ARHGAP15: variants seen among roughly 807,000 people sequenced by gnomAD.
ARHGAP15 encodes the protein rho GTPase-activating protein 15.
In ARHGAP15, 51 loss-of-function variants were observed where a neutral mutation model predicts 63.7. The observed-to-expected ratio is 0.80, with a 90% CI of 0.64 to 1.01. The LOEUF is 1.01. Among genes scored for constraint, ARHGAP15 ranks in the 50% least tolerant of loss-of-function variants. The probability of loss-of-function intolerance (pLI) is 0.00; values close to 1 mark genes in which losing one functional copy is unlikely to be tolerated. For missense variants in ARHGAP15, 560 were observed against 564.6 expected (o/e 0.99, Z 0.08); for synonymous variants, 191 against 193.8 (o/e 0.99, Z 0.12).
intron 12 of ARHGAP15, among the ~76,000 whole-genome samples, chr2:143,687,685 T>G (rs945829372): frequency 6.6e-6 from 1 of 152,220 alleles, no homozygotes; most frequent in Non-Finnish European, 1.5e-5. Flanking sequence ...TGATTTGATC[T>G]GTGCAAATAG....
At chr2:143,538,307 C>G (rs1460809594) in intron 10 of ARHGAP15, among the ~76,000 whole-genome samples, 1 of 152,182 alleles carries the variant, frequency 6.6e-6, no homozygotes, top group Non-Finnish European at 1.5e-5. Flanking sequence ...TCTAGATATA[C>G]AATCATGTCA....
Position 143,542,342 on chromosome 2 carries a change from C to T in ARHGAP15, c.926-14066C>T, listed in dbSNP as rs536294914. Among the ~76,000 whole-genome samples, 186 of 151,960 alleles carry T rather than the reference C, an allele frequency of 1.2e-3. 2 individuals carry two copies. Among genetic ancestry groups the T allele is most frequent in the African/African-American group, 4.1e-3 (172 of 41,528 alleles). ...GCACTTCCCGGGTGAGGCGATGCCT[C>T]GCCCTGCTTCGGCTCATGCACGGTG... On this transcript the variant is annotated intron_variant, in intron 10 of 13. Transcript: ENST00000295095.
chr2:143,199,973 C>T (rs764843553), intron 2 of ARHGAP15, among the ~76,000 whole-genome samples: 3 of 152,104 alleles, frequency 2.0e-5, no homozygotes, highest in Non-Finnish European at 2.9e-5. Context: ...TTCCCTACCA[C>T]GTCCAATGGA....
intron 11 of ARHGAP15, among the ~76,000 whole-genome samples, chr2:143,579,993 A>AAG (rs755793706): frequency 0.19 from 26,931 of 141,942 alleles, 2,895 homozygotes; most frequent in Middle Eastern, 0.28. Flanking sequence ...ATGTTTCTTC[A>AAG]AAACATTTGT....
At chr2:143,745,189 A>G (rs1165928158) in intron 13 of ARHGAP15, among the ~76,000 whole-genome samples, 2 of 152,206 alleles carry the variant, frequency 1.3e-5, no homozygotes, top group East Asian at 1.9e-4. Flanking sequence ...TGTTGCTTCC[A>G]TAGATGTATC....
At chr2:143,627,160 T>G (rs1698865896) in intron 12 of ARHGAP15, among the ~76,000 whole-genome samples, 1 of 152,216 alleles carries the variant, frequency 6.6e-6, no homozygotes, top group Non-Finnish European at 1.5e-5. Flanking sequence ...CTGTTGTTTA[T>G]GAATTGCTAA....
Position 143,439,422 on chromosome 2 carries a change from CAAAAAAAAAAA to C in ARHGAP15, c.703+2396_703+2406del, listed in dbSNP as rs529113949. On this transcript the variant is annotated intron_variant, in intron 8 of 13. Coordinates refer to ENST00000295095, the MANE Select transcript of ARHGAP15 (RefSeq NM_018460.4). ...TGGGCGACAGAGCAAGACTCTGTCT[CAAAAAAAAAAA>C]AAAAAAAAAAAAAAAGGGAAGAGAT... Among the ~76,000 whole-genome samples, 304 of 31,754 alleles carry C rather than the reference CAAAAAAAAAAA, an allele frequency of 9.6e-3. 13 individuals carry two copies. Among genetic ancestry groups the C allele is most frequent in the South Asian group, 0.015 (10 of 670 alleles). 20.8% of individuals were successfully genotyped at this position (31,754 alleles called of 152,430 possible). A position where few individuals can be genotyped will look rare whatever the true frequency, so the allele number is the denominator to read the frequency against.
At chr2:143,300,054 G>T (rs796502621) in intron 6 of ARHGAP15, among the ~76,000 whole-genome samples, 13 of 152,090 alleles carry the variant, frequency 8.5e-5, no homozygotes, top group African/African-American at 3.1e-4. Flanking sequence ...TTTGATAAAT[G>T]AAATATCTGG....
intron 6 of ARHGAP15, among the ~76,000 whole-genome samples, chr2:143,413,966 T>TGTGTGCGCGCGCGCGCGCGCGC: frequency 1.6e-3 from 193 of 117,882 alleles, no homozygotes; most frequent in South Asian, 4.2e-3. Context: ...TGTGTGTGTG[T>TGTGTGCGCGCGCGCGCGCGCGC]GCGCGCTCTC....
At chr2:143,536,072 A>C in intron 10 of ARHGAP15, among the ~76,000 whole-genome samples, 1 of 152,248 alleles carries the variant, frequency 6.6e-6, no homozygotes, top group East Asian at 1.9e-4. Flanking sequence ...ATTCACTCTC[A>C]TTACATTTTT....
chr2:143,732,746 A>G (rs2105488578), intron 13 of ARHGAP15, among the ~76,000 whole-genome samples: 1 of 152,138 alleles, frequency 6.6e-6, no homozygotes, highest in South Asian at 2.1e-4. Context: ...CAGTACACAT[A>G]GCTCCTGGTT....
intron 6 of ARHGAP15, among the ~76,000 whole-genome samples, chr2:143,371,688 T>C (rs1686563740): frequency 6.6e-6 from 1 of 152,202 alleles, no homozygotes; most frequent in Non-Finnish European, 1.5e-5. Flanking sequence ...GAAAATTTCC[T>C]CCTTACTGAA....
intron 12 of ARHGAP15, among the ~76,000 whole-genome samples, chr2:143,683,937 T>C (rs1299597846): frequency 6.6e-6 from 1 of 152,176 alleles, no homozygotes; most frequent in Non-Finnish European, 1.5e-5. Flanking sequence ...TGCAAACTAA[T>C]CAGGATAGCA....
At chr2:143,200,433 T>C (rs535998497) in intron 2 of ARHGAP15, among the ~76,000 whole-genome samples, 7 of 152,058 alleles carry the variant, frequency 4.6e-5, no homozygotes, top group Admixed American at 2.6e-4. Flanking sequence ...TTGATCTAAT[T>C]CCTTCAGTCA....
In ARHGAP15 at chr2:143,760,716, A is replaced by C. The variant is rs138915675; in HGVS notation, c.1245-7273A>C. Among the ~76,000 whole-genome samples, 544 of 152,278 alleles carry C rather than the reference A, an allele frequency of 3.6e-3. 3 individuals are homozygous for C. Among genetic ancestry groups the C allele is most frequent in the African/African-American group, 0.012 (519 of 41,562 alleles). ...AACTGCCATATAACGCTCCTTTGCT[A>C]TAATGTACTAAGAATTATATACACC... On this transcript the variant is annotated intron_variant, in intron 13 of 13. Coordinates refer to ENST00000295095, the MANE Select transcript of ARHGAP15 (RefSeq NM_018460.4).
At chr2:143,577,535 C>T (rs919694863) in intron 11 of ARHGAP15, among the ~76,000 whole-genome samples, 6 of 152,088 alleles carry the variant, frequency 3.9e-5, no homozygotes, top group African/African-American at 1.4e-4. Context: ...TAAGGCCTAA[C>T]CTCTCTCGGT....
At chr2:143,418,988 A>G (rs1688797359) in intron 6 of ARHGAP15, among the ~76,000 whole-genome samples, 1 of 152,234 alleles carries the variant, frequency 6.6e-6, no homozygotes, top group Non-Finnish European at 1.5e-5. Flanking sequence ...TTTGAATACC[A>G]AGAAACAAAA....
chr2:143,448,855 G>GA (rs1304475356), intron 8 of ARHGAP15, among the ~76,000 whole-genome samples: 1 of 151,800 alleles, frequency 6.6e-6, no homozygotes. Context: ...ATTAAAATTT[G>GA]AAAAAAACAT....
chr2:143,150,991 G>T (rs1246540924), intron 1 of ARHGAP15, among the ~76,000 whole-genome samples: 2 of 151,980 alleles, frequency 1.3e-5, no homozygotes, highest in African/African-American at 4.8e-5. Flanking sequence ...GAAAATTGAA[G>T]GTCAGTGAGG....
Sources: gnomAD v4.1 joint callset for allele counts (sites outside exome capture counted in the v4.1 genomes callset) on GRCh38, gnomAD v4.1.1 for gene constraint, MANE v1.5 for transcripts, NCBI Gene and HGNC (gene_info 2026-07-23, HGNC 2026-07-21) for gene names.